GON4L: variants seen among roughly 807,000 people sequenced by gnomAD.
GON4L encodes the protein gon-4 like.
GON4L carries 87 observed loss-of-function variants against 211.8 expected under a neutral mutation model. The observed-to-expected ratio is 0.41, with a 90% CI of 0.35 to 0.49. The LOEUF is 0.49. Ranked by LOEUF, GON4L falls within the 20% of genes least tolerant of loss-of-function variation. The pLI is 0.15. For missense variants in GON4L, 2,155 were observed against 2,659.5 expected, an observed-to-expected ratio of 0.81 and a Z score of 4.17; for synonymous variants, 875 against 962.6, an observed-to-expected ratio of 0.91 and a Z score of 1.68.
At chr1:155,846,035 C>A in intron 2 of GON4L, 1 of 210,484 alleles carries the variant, frequency 4.8e-6, no homozygotes. Context: ...GTCCACCAAC[C>A]ACCAATTCAT....
At chr1:155,752,689 A>G (rs1371559199) in intron 29 of GON4L, 99 bp from the exon 30 acceptor site, 2 of 1,527,630 alleles carry the variant, frequency 1.3e-6, no homozygotes, top group Non-Finnish European at 1.8e-6. Context: ...AAATTCTAAT[A>G]AAAAAGAGGG....
intron 11 of GON4L, 128 bp from the exon 12 acceptor site, chr1:155,795,279 T>G: frequency 4.4e-6 from 3 of 678,290 alleles, no homozygotes. Context: ...CAGGCTGGAG[T>G]GCAGTGGTAC....
At chr1:155,756,775 A>C (rs1661233799) in intron 27 of GON4L, 183 bp downstream of exon 27, 2 of 561,298 alleles carry the variant, frequency 3.6e-6, no homozygotes, top group Admixed American at 6.1e-5. Context: ...AAATACAAAA[A>C]TTTGCTGGGC....
downstream of GON4L, among the ~76,000 whole-genome samples, chr1:155,745,352 C>G (rs756888532): frequency 2.0e-4 from 30 of 152,252 alleles, no homozygotes; most frequent in Non-Finnish European, 3.2e-4. Context: ...CTGTGGACTT[C>G]TGAAGAGTCG....
At chr1:155,756,728 C>T (rs1557823563) in intron 27 of GON4L, 1 of 462,990 alleles carries the variant, frequency 2.2e-6, no homozygotes. Flanking sequence ...AGTTCGAGAC[C>T]AGCCTGGCCA....
chr1:155,760,496 A>C lies in GON4L; in HGVS notation c.5057T>G (p.Leu1686Trp). Residue 1686 changes from leucine to tryptophan, a missense_variant, in exon 24 of 32, where the codon TTG becomes TGG. Physicochemically the swap from Leu to Trp is moderately conservative, Grantham distance 61. Around this residue, in one of 6 missense-constraint regions of GON4L, gnomAD observed 455 missense variants for 504.6 expected, o/e 0.90. Coordinates refer to ENST00000368331, the MANE Select transcript of GON4L (RefSeq NM_001282860.2). Reference sequence around the variant, plus strand: ...TAACAGGAAAGCAGCAAAGTCTTTCAACAGCTGAGGCCAGTCTTGGAGCAG... The same window carrying C: ...TAACAGGAAAGCAGCAAAGTCTTTCCACAGCTGAGGCCAGTCTTGGAGCAG... The part of the protein sequence containing the change: ...QILLQDWPQL[L>W]KDFAAFLLPE... 6.2e-7 allele frequency: 1 copy of C among 1,613,626 alleles called. No individual in the cohort carries two copies. The highest frequency in any genetic ancestry group is 8.5e-7 in the Non-Finnish European group (1 of 1,179,554).
chr1:155,751,816 T>A lies in GON4L; in HGVS notation c.6527A>T (p.Gln2176Leu). The A allele has an allele frequency of 6.2e-7, 1 of 1,613,864 alleles. No individual in the cohort carries two copies. The highest frequency in any genetic ancestry group is 8.5e-7 in the Non-Finnish European group (1 of 1,179,784). Residue 2176 changes from glutamine to leucine, a missense_variant, in exon 31 of 32, where the codon CAG becomes CTG. Around this residue, in one of 6 missense-constraint regions of GON4L, gnomAD observed 186 missense variants for 308.1 expected, o/e 0.60. Coordinates refer to ENST00000368331, the MANE Select transcript of GON4L (RefSeq NM_001282860.2). ...CTGCTGGGAGATGATGTTGAAGGTC[T>A]GTGGCTGTGCCCCTTGCTCCTGGCA... Reference protein sequence around the residue: ...TMCQEQGAQPQTFNIISQQLG... With the variant: ...TMCQEQGAQPLTFNIISQQLG...
At chr1:155,793,928 T>C (rs1273136370) in intron 12 of GON4L, among the ~76,000 whole-genome samples, 3 of 152,000 alleles carry the variant, frequency 2.0e-5, no homozygotes, top group East Asian at 1.9e-4. Flanking sequence ...TAATTTTTTA[T>C]AGAAATAACT....
chr1:155,818,015 C>T (rs1373332956), intron 6 of GON4L, among the ~76,000 whole-genome samples: 6 of 151,772 alleles, frequency 4.0e-5, no homozygotes, highest in Non-Finnish European at 7.4e-5. Flanking sequence ...TCTTGGATGG[C>T]CCAACTTCTC....
rs114558770 is a variant in GON4L at position 155,804,792 on chromosome 1, A to G, written c.1645+157T>C. On this transcript the variant is annotated intron_variant, in intron 11 of 31. Coordinates refer to ENST00000368331, the MANE Select transcript of GON4L (RefSeq NM_001282860.2). ...TGAGACCCTGTCTCAGGAAAAAAAA[A>G]AAAAGAAAAATTAACTACTGATTTA... 8.3e-3 allele frequency among the ~76,000 whole-genome samples: 1,256 copies of G among 152,208 alleles called. 22 individuals carry two copies. Among genetic ancestry groups the G allele is most frequent in the African/African-American group, 0.029 (1,200 of 41,520 alleles).
chr1:155,781,072 G>T (rs1476435801), intron 14 of GON4L, among the ~76,000 whole-genome samples: 1 of 151,992 alleles, frequency 6.6e-6, no homozygotes, highest in Non-Finnish European at 1.5e-5. Flanking sequence ...CAGAAGACCA[G>T]AAGCATAAAA....
At chr1:155,756,606 A>G (rs373074777) in intron 27 of GON4L, 1 of 229,018 alleles carries the variant, frequency 4.4e-6, no homozygotes. Context: ...AAACATAGAT[A>G]ATTTTCAATA....
chr1:155,848,884 A>G (rs1322482993), intron 2 of GON4L, among the ~76,000 whole-genome samples: 1 of 152,188 alleles, frequency 6.6e-6, no homozygotes, highest in Non-Finnish European at 1.5e-5. Flanking sequence ...GCGGTGGCTC[A>G]CGCCTGTAAT....
chr1:155,784,746 T>G (rs188809903), intron 13 of GON4L: 1 of 169,526 alleles, frequency 5.9e-6, no homozygotes, highest in Non-Finnish European at 1.3e-5. Context: ...AGGTAATTAT[T>G]TGTACACAAA....
At position 155,785,366 on chromosome 1, in the gene GON4L, C is replaced by T. The variant is rs762877537; in HGVS notation, c.1756G>A (p.Val586Ile). The change falls in exon 13 of 32, where the codon GTA (valine) becomes ATA (isoleucine). Residue 586 changes from valine (V) to isoleucine (I), a missense_variant. Around this residue, in one of 6 missense-constraint regions of GON4L, gnomAD observed 551 missense variants for 854.0 expected, o/e 0.65. Transcript: ENST00000368331. ...AACAGCTCTTCCATCAGCTCATTTA[C>T]TTCCTTTTCTGCAAGAAAGCCAGAC... ...DRAVRITKKEVNELMEELFET... is the reference protein window; with the variant it reads ...DRAVRITKKEINELMEELFET... 1 of 1,597,898 alleles carries T rather than the reference C, an allele frequency of 6.3e-7. No homozygotes were observed. The highest frequency in any genetic ancestry group is 1.1e-5 in the South Asian group (1 of 90,744).
In GON4L at chr1:155,765,930, A is replaced by G. The variant is rs677219; in HGVS notation, c.3543T>C (p.Thr1181=). Residue 1181 remains threonine, a synonymous_variant, in exon 21 of 32, where the codon ACT becomes ACC. Transcript: ENST00000368331. The part of the protein sequence containing the change: ...VAQSPQTIPI[T]TLLVNPTSFP... ...AGGAAGTAGGGTTAACCAAGAGGGT[A>G]GTGATGGGAATAGTCTGGGGACTCT... 2.4e-5 allele frequency: 38 copies of G among 1,614,134 alleles called. No individual in the cohort carries two copies. The highest frequency in any genetic ancestry group is 3.3e-5 in the South Asian group (3 of 91,078).
At chr1:155,749,370 T>C (rs112418368), downstream of GON4L, 44 of 1,609,884 alleles carry the variant, frequency 2.7e-5, no homozygotes, top group African/African-American at 4.9e-4. Context: ...CCTTCATGCA[T>C]GTACCACTGG....
chr1:155,776,627 C>T (rs1037103783), intron 15 of GON4L, 146 bp from the exon 16 acceptor site: 60 of 731,556 alleles, frequency 8.2e-5, no homozygotes, highest in African/African-American at 2.6e-4. Context: ...CATGGCTCCA[C>T]GCCCTCTCAA....
chr1:155,834,348 T>C (rs1225856963), intron 2 of GON4L, among the ~76,000 whole-genome samples: 3 of 152,190 alleles, frequency 2.0e-5, no homozygotes, highest in Non-Finnish European at 1.5e-5. Flanking sequence ...TCCTTCTCTG[T>C]TATCTTCTTC....
Sources: allele counts gnomAD v4.1 joint callset (sites outside exome capture counted in the v4.1 genomes callset), GRCh38; gene constraint gnomAD v4.1.1; regional missense constraint gnomAD v4.1.1; transcripts MANE v1.5; gene names NCBI Gene and HGNC (gene_info 2026-07-23, HGNC 2026-07-21).